The following ROBO2 variants were observed in gnomAD, a reference collection of about 807,000 sequenced individuals.
ROBO2 encodes the protein roundabout guidance receptor 2.
In ROBO2, 53 loss-of-function variants were observed where a neutral mutation model predicts 160.8. The observed-to-expected ratio is 0.33, with a 90% CI of 0.26 to 0.41. The LOEUF (loss-of-function observed/expected upper bound fraction) is 0.41. Ranked by LOEUF, ROBO2 falls within the 10% of genes least tolerant of loss-of-function variation. ROBO2 has a pLI of 1.00. For synonymous variants in ROBO2, 664 were observed against 611.7 expected (o/e 1.09, Z -1.26); for missense variants, 1,577 against 1,722.4 (o/e 0.92, Z 1.49).
chr3:76,023,026 C>A (rs73841080), intron 2 of ROBO2, among the ~76,000 whole-genome samples: 1 of 151,708 alleles, frequency 6.6e-6, no homozygotes, highest in African/African-American at 2.4e-5. Context: ...ACTAGTTCAC[C>A]TTGCACTTTT....
chr3:75,983,462 C>T (rs971672365), intron 2 of ROBO2, among the ~76,000 whole-genome samples: 6 of 151,360 alleles, frequency 4.0e-5, no homozygotes, highest in South Asian at 2.1e-4. Context: ...ATGTGGTGTA[C>T]GTTTCTCTTT....
chr3:76,461,163 G>A (rs1355041680), intron 2 of ROBO2, among the ~76,000 whole-genome samples: 4 of 152,166 alleles, frequency 2.6e-5, no homozygotes, highest in Admixed American at 2.6e-4. Context: ...TATAATCATG[G>A]CAGAAGGTAA....
intron 2 of ROBO2, among the ~76,000 whole-genome samples, chr3:76,215,139 A>T (rs1044979062): frequency 2.0e-5 from 3 of 152,202 alleles, no homozygotes; most frequent in African/African-American, 7.2e-5. Context: ...CAGAAAGGAC[A>T]TCCACACCAA....
chr3:76,392,492 T>C (rs2077204222), intron 2 of ROBO2, among the ~76,000 whole-genome samples: 1 of 152,186 alleles, frequency 6.6e-6, no homozygotes, highest in Non-Finnish European at 1.5e-5. Flanking sequence ...GCTTTCTTAA[T>C]TCTTTATTTT....
At chr3:77,412,636 C>G (rs4396877) in intron 2 of ROBO2, among the ~76,000 whole-genome samples, 21,238 of 152,196 alleles carry the variant, frequency 0.14, 1,812 homozygotes, top group African/African-American at 0.23. Context: ...TCTGAGCAGC[C>G]AAGCCCAGTG....
chr3:76,373,799 G>A lies in ROBO2; in HGVS notation c.109+436197G>A, dbSNP rs535752273. Among the ~76,000 whole-genome samples the A allele has an allele frequency of 3.9e-5, 6 of 152,106 alleles. No homozygotes were observed. In the East Asian group the frequency reaches 9.7e-4, roughly 25 times the overall value. On this transcript the variant is annotated intron_variant, in intron 2 of 26. Transcript: ENST00000487694. Reference sequence around the variant, plus strand: ...GTTCATGAGTCTGTTGGTCATGTGAGCATTTCTGCTGATCTTGTCAGACTA... The same window carrying A: ...GTTCATGAGTCTGTTGGTCATGTGAACATTTCTGCTGATCTTGTCAGACTA...
chr3:76,736,363 A>T (rs1301157634), intron 2 of ROBO2, among the ~76,000 whole-genome samples: 1 of 151,158 alleles, frequency 6.6e-6, no homozygotes, highest in East Asian at 1.9e-4. Flanking sequence ...TATTAAGTGG[A>T]TACAATTTAG....
chr3:76,794,459 C>G (rs2063560071), intron 2 of ROBO2, among the ~76,000 whole-genome samples: 1 of 151,880 alleles, frequency 6.6e-6, no homozygotes, highest in Non-Finnish European at 1.5e-5. Flanking sequence ...AGAAGAAGTT[C>G]TATAAATATA....
At chr3:77,555,597 C>G (rs1332401981) in intron 8 of ROBO2, among the ~76,000 whole-genome samples, 1 of 151,862 alleles carries the variant, frequency 6.6e-6, no homozygotes, top group Non-Finnish European at 1.5e-5. Flanking sequence ...CTATCTTTTT[C>G]TCTCAGAGAA....
intron 2 of ROBO2, among the ~76,000 whole-genome samples, chr3:76,546,582 A>T (rs2083114582): frequency 6.6e-6 from 1 of 151,962 alleles, no homozygotes; most frequent in Non-Finnish European, 1.5e-5. Flanking sequence ...CAATGTGACA[A>T]AGATTACATC....
chr3:76,601,337 G>A (rs543395928), intron 2 of ROBO2, among the ~76,000 whole-genome samples: 1 of 152,164 alleles, frequency 6.6e-6, no homozygotes, highest in Non-Finnish European at 1.5e-5. Flanking sequence ...ACCCTGTGTG[G>A]GGGTCCAACC....
intron 2 of ROBO2, among the ~76,000 whole-genome samples, chr3:76,511,329 G>T (rs900356362): frequency 2.0e-5 from 3 of 152,152 alleles, no homozygotes; most frequent in Admixed American, 2.0e-4. Context: ...GGTCACCAGA[G>T]ACATTTTTCT....
chr3:77,045,293 G>A (rs925557462), intron 1 of ROBO2, among the ~76,000 whole-genome samples: 2 of 152,026 alleles, frequency 1.3e-5, no homozygotes, highest in African/African-American at 4.8e-5. Context: ...TTGGAGTAAC[G>A]GAGGCCTCAA....
chr3:77,110,366 A>G (rs1433406085), intron 2 of ROBO2, among the ~76,000 whole-genome samples: 1 of 152,130 alleles, frequency 6.6e-6, no homozygotes, highest in African/African-American at 2.4e-5. Flanking sequence ...TCATTGCTAT[A>G]TGTATTTGTG....
chr3:77,287,309 T>A (rs1020762863), intron 2 of ROBO2, among the ~76,000 whole-genome samples: 1 of 152,212 alleles, frequency 6.6e-6, no homozygotes, highest in Non-Finnish European at 1.5e-5. Context: ...ATAGTTATTT[T>A]TTTTTAACAT....
At chr3:77,401,941 AG>A (rs1241450262) in intron 2 of ROBO2, among the ~76,000 whole-genome samples, 2 of 152,176 alleles carry the variant, frequency 1.3e-5, no homozygotes, top group African/African-American at 4.8e-5. Flanking sequence ...ATATACCCAA[AG>A]GATTAGAAAC....
chr3:76,989,574 T>C (rs891307926), intron 2 of ROBO2, among the ~76,000 whole-genome samples: 9 of 151,956 alleles, frequency 5.9e-5, no homozygotes, highest in African/African-American at 9.7e-5. Context: ...TAGGATGACA[T>C]TTGAAAAAAA....
At chr3:76,598,080 T>C (rs904368770) in intron 2 of ROBO2, among the ~76,000 whole-genome samples, 16 of 152,022 alleles carry the variant, frequency 1.1e-4, no homozygotes, top group Admixed American at 8.5e-4. Flanking sequence ...GGAAATACTA[T>C]TAAGCCATAA....
intron 2 of ROBO2, among the ~76,000 whole-genome samples, chr3:76,000,089 G>A (rs1231597926): frequency 6.6e-6 from 1 of 152,146 alleles, no homozygotes; most frequent in African/African-American, 2.4e-5. Context: ...CCACGTGGCT[G>A]GGATAGCCTC....
Sources: allele counts gnomAD v4.1 joint callset (sites outside exome capture counted in the v4.1 genomes callset), GRCh38; gene constraint gnomAD v4.1.1; transcripts MANE v1.5; gene names NCBI Gene and HGNC (gene_info 2026-07-23, HGNC 2026-07-21).